POR: variants seen among roughly 807,000 people sequenced by gnomAD.
POR encodes NADPH--cytochrome P450 reductase.
Under a neutral mutation model 84.0 loss-of-function variants are expected in POR, and 56 were observed. That is an observed-to-expected ratio of 0.67 (90% CI 0.54 to 0.83). The LOEUF is 0.83. POR is among the 40% of genes least tolerant of loss of function. The probability of loss-of-function intolerance (pLI) is 0.00; values close to 1 mark genes in which losing one functional copy is unlikely to be tolerated. For synonymous variants in POR, 414 were observed against 400.5 expected (o/e 1.03, Z -0.40); for missense variants, 938 against 944.3 (o/e 0.99, Z 0.09).
chr7:75,969,517 C>T (rs1455261696), intron 2 of POR, among the ~76,000 whole-genome samples: 3 of 152,234 alleles, frequency 2.0e-5, no homozygotes. Context: ...CGTGCCCCCA[C>T]CTGGCTGGCC....
intron 5 of POR, 48 bp downstream of exon 5, chr7:75,980,536 T>G: frequency 6.2e-7 from 1 of 1,612,336 alleles, no homozygotes; most frequent in South Asian, 1.1e-5. Context: ...CTGCGGTGCC[T>G]CCCTGGGGAC....
intron 1 of POR, among the ~76,000 whole-genome samples, chr7:75,933,389 T>TG (rs1563403267): frequency 2.2e-5 from 2 of 90,914 alleles, no homozygotes; most frequent in African/African-American, 1.7e-4. Flanking sequence ...TTTTTTTTTT[T>TG]TTTTTTTTTT....
intron 1 of POR, among the ~76,000 whole-genome samples, chr7:75,951,400 A>C (rs1192849350): frequency 6.6e-6 from 1 of 151,832 alleles, no homozygotes; most frequent in Admixed American, 6.6e-5. Flanking sequence ...TCTCAAAAAA[A>C]TAAAATAAAA....
At chr7:75,930,262 CTTCTGCAA>C (rs1807348172) in intron 1 of POR, among the ~76,000 whole-genome samples, 1 of 152,166 alleles carries the variant, frequency 6.6e-6, no homozygotes, top group Admixed American at 6.5e-5. Flanking sequence ...GCCTTTCTCT[CTTCTGCAA>C]TTCTGAGTGC....
intron 3 of POR, 82 bp downstream of exon 3, chr7:75,972,543 G>A (rs994090599): frequency 9.8e-6 from 13 of 1,328,580 alleles, no homozygotes; most frequent in Admixed American, 5.9e-5. Context: ...GACGGCTGGC[G>A]TCACCGCATA....
intron 10 of POR, among the ~76,000 whole-genome samples, chr7:75,984,508 A>G (rs1789285638): frequency 6.6e-6 from 1 of 152,140 alleles, no homozygotes; most frequent in African/African-American, 2.4e-5. Flanking sequence ...GTGTGCGGTG[A>G]AAGCACAGCG....
At chr7:75,941,364 T>C (rs1554551470) in intron 1 of POR, among the ~76,000 whole-genome samples, 1 of 152,182 alleles carries the variant, frequency 6.6e-6, no homozygotes, top group African/African-American at 2.4e-5. Flanking sequence ...GAAGTATTTC[T>C]CTAGCTGTGT....
intron 13 of POR, 30 bp from the exon 14 acceptor site, chr7:75,985,893 C>A: frequency 6.4e-7 from 1 of 1,560,064 alleles, no homozygotes. Context: ...GACTGGGAGC[C>A]CCGCGCTCAC....
rs147245532 is a variant in POR at position 75,949,137 on chromosome 7, TTTGTTGTTG to T, written c.-4-4828_-4-4820del. 4.6e-3 allele frequency among the ~76,000 whole-genome samples: 702 copies of T among 151,246 alleles called. 6 individuals carry two copies. The highest frequency in any genetic ancestry group is 0.013 in the South Asian group (61 of 4,768). Reference sequence around the variant, plus strand: ...ATGAGCTGTGTAAGGACTTCAGGGCTTTGTTGTTGTTGTTGTTGTTGTTGTTGTTGTTTT... The same window carrying T: ...ATGAGCTGTGTAAGGACTTCAGGGCTTTGTTGTTGTTGTTGTTGTTGTTTT... On this transcript the variant is annotated intron_variant, in intron 1 of 15. Transcript: ENST00000461988.
intron 1 of POR, among the ~76,000 whole-genome samples, chr7:75,929,342 C>T (rs1807300159): frequency 6.6e-6 from 1 of 152,172 alleles, no homozygotes; most frequent in Non-Finnish European, 1.5e-5. Flanking sequence ...CAGCTCAGCG[C>T]AACCTCCGCC....
chr7:75,929,249 A>C (rs1554549896), intron 1 of POR, among the ~76,000 whole-genome samples: 1 of 152,124 alleles, frequency 6.6e-6, no homozygotes, highest in Admixed American at 6.5e-5. Flanking sequence ...GATGACCTAG[A>C]GTTGGTGCTC....
chr7:75,934,147 G>GTA (rs1807559622), intron 1 of POR, among the ~76,000 whole-genome samples: 1 of 150,094 alleles, frequency 6.7e-6, no homozygotes, highest in Non-Finnish European at 1.5e-5. Flanking sequence ...GTGTGTGTGT[G>GTA]TGTGTGTGTG....
At chr7:75,932,450 G>A (rs1807467686) in intron 1 of POR, among the ~76,000 whole-genome samples, 1 of 152,104 alleles carries the variant, frequency 6.6e-6, no homozygotes, top group Non-Finnish European at 1.5e-5. Context: ...CCAAAGTGCT[G>A]GGACTACAGG....
intron 1 of POR, 37 bp from the exon 2 acceptor site, chr7:75,953,952 C>A: frequency 6.6e-7 from 1 of 1,504,462 alleles, no homozygotes. Context: ...CACCCTGCTA[C>A]CCTCTGCTGA....
At chr7:75,960,744 G>A (rs539424864) in intron 2 of POR, among the ~76,000 whole-genome samples, 12 of 152,158 alleles carry the variant, frequency 7.9e-5, no homozygotes, top group South Asian at 2.1e-4. Context: ...TGCAGAGAGC[G>A]TCCCATTTCC....
intron 1 of POR, among the ~76,000 whole-genome samples, chr7:75,948,417 C>T (rs533814256): frequency 3.9e-5 from 6 of 152,322 alleles, no homozygotes; most frequent in Admixed American, 1.3e-4. Flanking sequence ...GTCACAGCCT[C>T]AAGGAGCAGC....
intron 1 of POR, among the ~76,000 whole-genome samples, chr7:75,946,446 C>T (rs574921539): frequency 1.3e-5 from 2 of 152,086 alleles, no homozygotes; most frequent in Non-Finnish European, 2.9e-5. Context: ...ACCGTCACAC[C>T]TGGCTAACTT....
At chr7:75,982,676 C>A (rs1024160535) in intron 8 of POR, among the ~76,000 whole-genome samples, 1 of 152,196 alleles carries the variant, frequency 6.6e-6, no homozygotes, top group African/African-American at 2.4e-5. Context: ...AGAAACCTGG[C>A]GTTCCTCTCT....
intron 1 of POR, among the ~76,000 whole-genome samples, chr7:75,930,559 G>T (rs1287615074): frequency 6.6e-6 from 1 of 152,196 alleles, no homozygotes; most frequent in Non-Finnish European, 1.5e-5. Flanking sequence ...GTCTCGCTGT[G>T]TCGCCCAGGC....
Sources: gnomAD v4.1 joint callset for allele counts (sites outside exome capture counted in the v4.1 genomes callset) on GRCh38, gnomAD v4.1.1 for gene constraint, MANE v1.5 for transcripts, NCBI Gene and HGNC (gene_info 2026-07-23, HGNC 2026-07-21) for gene names.